Variants in GSE1 observed in about 807,000 individuals in gnomAD.
The protein encoded by GSE1 is Gse1 coiled-coil protein.
GSE1 carries 32 observed loss-of-function variants against 112.6 expected under a neutral mutation model. The observed-to-expected ratio is 0.28, with a 90% CI of 0.21 to 0.38. The LOEUF (loss-of-function observed/expected upper bound fraction) is 0.38, where lower values mean the gene tolerates loss of function less well. Ranked by LOEUF, GSE1 falls within the 10% of genes least tolerant of loss-of-function variation. The pLI, the probability that GSE1 is intolerant of heterozygous loss-of-function variation, is 1.00. For synonymous variants in GSE1, 1,115 were observed against 735.6 expected (o/e 1.52, Z -8.35); for missense variants, 2,348 against 1,699.2 (o/e 1.38, Z -6.71).
intron 1 of GSE1, among the ~76,000 whole-genome samples, chr16:85,320,521 C>G (rs1192338708): frequency 6.6e-6 from 1 of 152,106 alleles, no homozygotes; most frequent in African/African-American, 2.4e-5. Context: ...TCTCAAACAC[C>G]TGGGCTCAAG....
chr16:85,458,735 CAAG>C (rs1167641265), intron 2 of GSE1, among the ~76,000 whole-genome samples: 6,697 of 149,120 alleles, frequency 0.045, 515 homozygotes, highest in African/African-American at 0.17. Context: ...GGTGGCAGAG[CAAG>C]GCTGTGTCCT....
intron 2 of GSE1, among the ~76,000 whole-genome samples, chr16:85,433,561 G>A (rs766161841): frequency 4.8e-4 from 73 of 152,048 alleles, no homozygotes; most frequent in Non-Finnish European, 9.0e-4. Flanking sequence ...TGAAGGCTGT[G>A]TAGATGGATG....
chr16:85,516,935 C>G (rs982545041), intron 2 of GSE1, among the ~76,000 whole-genome samples: 1 of 151,986 alleles, frequency 6.6e-6, no homozygotes, highest in Admixed American at 6.6e-5. Flanking sequence ...GTAGCTGGGA[C>G]TACAGGCGCC....
intron 1 of GSE1, among the ~76,000 whole-genome samples, chr16:85,209,801 C>T (rs1014416982): frequency 4.6e-5 from 7 of 152,144 alleles, no homozygotes; most frequent in African/African-American, 7.2e-5. Flanking sequence ...CTGAGGGGGC[C>T]GCTGGGAGAG....
At chr16:85,272,632 G>A (rs1282778441) in intron 1 of GSE1, among the ~76,000 whole-genome samples, 2 of 152,166 alleles carry the variant, frequency 1.3e-5, no homozygotes, top group East Asian at 3.9e-4. Context: ...GGGGAGCCTG[G>A]GCTGACTGTG....
intron 1 of GSE1, among the ~76,000 whole-genome samples, chr16:85,308,213 C>T (rs1000124543): frequency 6.6e-6 from 1 of 152,190 alleles, no homozygotes; most frequent in Non-Finnish European, 1.5e-5. Flanking sequence ...TAAAGGAAGC[C>T]CTCAGCTCTG....
At chr16:85,473,851 G>A (rs1315483419) in intron 2 of GSE1, among the ~76,000 whole-genome samples, 3 of 152,112 alleles carry the variant, frequency 2.0e-5, no homozygotes, top group South Asian at 2.1e-4. Context: ...GGAGCAGGGC[G>A]CTGCAGGGGA....
At chr16:85,219,366 A>T (rs1025374441) in intron 1 of GSE1, among the ~76,000 whole-genome samples, 1 of 152,162 alleles carries the variant, frequency 6.6e-6, no homozygotes, top group African/African-American at 2.4e-5. Flanking sequence ...ATATTTTGAC[A>T]CTTTGGTTGG....
In GSE1 at chr16:85,332,640, C is replaced by T. The variant is rs145465562; in HGVS notation, c.2284-24823C>T. Among the ~76,000 whole-genome samples, 349 of 152,316 alleles carry T rather than the reference C, an allele frequency of 2.3e-3. 3 individuals are homozygous for T. The highest frequency in any genetic ancestry group is 7.7e-3 in the African/African-American group (318 of 41,556). On this transcript the variant is annotated intron_variant, in intron 1 of 2. Transcript: ENST00000637419. ...CTGCGGACCCTGCAGGACTCTCCTT[C>T]TCCCCTGGCTTCCTTTGCGCCACAC...
intron 13 of GSE1, chr16:85,666,606 C>T (rs764044606): frequency 2.3e-5 from 12 of 518,814 alleles, no homozygotes; most frequent in Admixed American, 3.5e-5. Context: ...ACGCATCGAT[C>T]GGTAAGAGGT....
At chr16:85,214,929 A>T (rs1224586042) in intron 1 of GSE1, among the ~76,000 whole-genome samples, 1 of 152,080 alleles carries the variant, frequency 6.6e-6, no homozygotes, top group East Asian at 1.9e-4. Flanking sequence ...TTCCCTCCCC[A>T]TGTCCATTCA....
At chr16:85,304,624 G>A (rs1377258981) in intron 1 of GSE1, among the ~76,000 whole-genome samples, 3 of 112,854 alleles carry the variant, frequency 2.7e-5, no homozygotes, top group African/African-American at 8.6e-5. Flanking sequence ...CATCCCTTTT[G>A]CCTTGAGTCC....
Position 85,200,858 on chromosome 16 carries a change from A to G in GSE1, c.2283+29051A>G, listed in dbSNP as rs138046680. Among the ~76,000 whole-genome samples the G allele has an allele frequency of 9.7e-4, 147 of 152,226 alleles. 1 individual carries two copies. Among genetic ancestry groups the G allele is most frequent in the African/African-American group, 3.3e-3 (137 of 41,554 alleles). Reference sequence around the variant, plus strand: ...CGTCACCAGAACTTTGTCTTCTCACACTGAACTGTCCCCGGTAAACATGAA... The same window carrying G: ...CGTCACCAGAACTTTGTCTTCTCACGCTGAACTGTCCCCGGTAAACATGAA... On this transcript the variant is annotated intron_variant, in intron 1 of 2. Coordinates refer to the GSE1 transcript ENST00000637419.
chr16:85,550,071 T>C (rs1029308028), intron 2 of GSE1, among the ~76,000 whole-genome samples: 4 of 152,272 alleles, frequency 2.6e-5, no homozygotes, highest in Non-Finnish European at 5.9e-5. Flanking sequence ...CAGGCACCGG[T>C]GTGATTACAC....
chr16:85,648,429 G>C (rs1304904787), intron 2 of GSE1, 123 bp from the exon 3 acceptor site: 2 of 603,534 alleles, frequency 3.3e-6, no homozygotes, highest in Non-Finnish European at 5.8e-6. Flanking sequence ...CATGAGGCTG[G>C]TAGACCTGGA....
chr16:85,401,597 A>G (rs973151815), intron 2 of GSE1, among the ~76,000 whole-genome samples: 13 of 152,140 alleles, frequency 8.5e-5, no homozygotes, highest in Non-Finnish European at 1.8e-4. Context: ...CGGCCCATCC[A>G]GGTGAGGGCC....
chr16:85,187,102 G>A (rs2143392824), intron 1 of GSE1, among the ~76,000 whole-genome samples: 1 of 152,326 alleles, frequency 6.6e-6, no homozygotes, highest in African/African-American at 2.4e-5. Context: ...GGTGCCTCTT[G>A]TTTCTGTCGC....
chr16:85,229,987 C>T (rs2075554380), intron 1 of GSE1, among the ~76,000 whole-genome samples: 1 of 152,170 alleles, frequency 6.6e-6, no homozygotes, highest in Admixed American at 6.5e-5. Flanking sequence ...TGCCACATGC[C>T]CACTTGTAAT....
intron 1 of GSE1, among the ~76,000 whole-genome samples, chr16:85,205,438 C>T (rs1459277815): frequency 6.6e-6 from 1 of 152,208 alleles, no homozygotes; most frequent in East Asian, 1.9e-4. Flanking sequence ...AGCCTTGTCT[C>T]TGTTTTGCTG....
Sources: gnomAD v4.1 joint callset for allele counts (sites outside exome capture counted in the v4.1 genomes callset) on GRCh38, gnomAD v4.1.1 for gene constraint, MANE v1.5 for transcripts, NCBI Gene and HGNC (gene_info 2026-07-23, HGNC 2026-07-21) for gene names.